Variants in ZNF329 observed in about 807,000 individuals in gnomAD.
ZNF329 encodes the protein zinc finger protein 329.
Under a neutral mutation model 26.6 loss-of-function variants are expected in ZNF329, and 15 were observed. The observed-to-expected ratio is 0.56, with a 90% CI of 0.38 to 0.87. The LOEUF (loss-of-function observed/expected upper bound fraction) is 0.87. Among genes scored for constraint, ZNF329 ranks in the 40% least tolerant of loss-of-function variants. ZNF329 has a pLI of 0.00. For synonymous variants in ZNF329, 239 were observed against 233.5 expected (o/e 1.02, Z -0.21); for missense variants, 651 against 651.9 (o/e 1.00, Z 0.02).
At chr19:58,142,742 C>T (rs2075215108) in intron 2 of ZNF329, 81 bp from the exon 3 acceptor site, 1 of 152,434 alleles carries the variant, frequency 6.6e-6, no homozygotes, top group Admixed American at 6.5e-5. Context: ...ACTTTAATCC[C>T]ATCCTGACAA....
In ZNF329 at chr19:58,146,429, G is replaced by A. The variant is rs1430129458; in HGVS notation, c.-207-3231C>T. Among the ~76,000 whole-genome samples, 12 of 151,840 alleles carry A rather than the reference G, an allele frequency of 7.9e-5. No individual in the cohort carries two copies. The South Asian group carries it at 8.3e-4, about 11-fold the overall frequency. Reference sequence around the variant, plus strand: ...GTAGAGGTTGCAGTGAGCCGAGATCGCTCCACTGCACTCTACCCTGGGTGA... The same window carrying A: ...GTAGAGGTTGCAGTGAGCCGAGATCACTCCACTGCACTCTACCCTGGGTGA... On this transcript the variant is annotated intron_variant, in intron 1 of 3. Coordinates refer to ENST00000598312, the MANE Select transcript of ZNF329 (RefSeq NM_024620.4).
upstream of ZNF329, among the ~76,000 whole-genome samples, chr19:58,152,415 A>G (rs1335054780): frequency 7.0e-6 from 1 of 142,082 alleles, no homozygotes; most frequent in Non-Finnish European, 1.5e-5. Flanking sequence ...CAATCCTAGT[A>G]CTCGGTCTCA....
rs904619095 is a variant in ZNF329, at chr19:58,128,240, T to C, written c.1264A>G (p.Thr422Ala). 8 of 1,597,972 alleles carry C rather than the reference T, an allele frequency of 5.0e-6. No homozygotes were observed. Among genetic ancestry groups the C allele is most frequent in the Non-Finnish European group, 6.8e-6 (8 of 1,172,032 alleles). Residue 422 changes from threonine to alanine, a missense_variant, in exon 4 of 4, where the codon ACT (threonine) becomes GCT (alanine). Transcript: ENST00000598312. ...AYLIRHQRIH[T>A]GEKPYGCNQC... is the part of the protein sequence containing the mutation. ...TTGCAGCCATAGGGCTTCTCGCCAG[T>C]ATGAATCCTCTGATGCCTGATGAGG...
At chr19:58,146,697 C>T (rs1283896944) in intron 1 of ZNF329, among the ~76,000 whole-genome samples, 1 of 151,812 alleles carries the variant, frequency 6.6e-6, no homozygotes, top group African/African-American at 2.4e-5. Context: ...ATTGCAGGCA[C>T]GCGCCGCCAC....
At chr19:58,146,767 G>A (rs2075319972) in intron 1 of ZNF329, among the ~76,000 whole-genome samples, 2 of 152,074 alleles carry the variant, frequency 1.3e-5, no homozygotes, top group Non-Finnish European at 2.9e-5. Flanking sequence ...TGGCCAGGCT[G>A]GTCTCCAGCT....
chr19:58,150,990 C>A (rs1400931463), upstream of ZNF329, among the ~76,000 whole-genome samples: 1 of 152,254 alleles, frequency 6.6e-6, no homozygotes, highest in Non-Finnish European at 1.5e-5. Context: ...TGTTATAGAG[C>A]CTTCCTTTTA....
intron 3 of ZNF329, among the ~76,000 whole-genome samples, chr19:58,138,649 T>C (rs1429865604): frequency 1.3e-5 from 2 of 152,142 alleles, no homozygotes; most frequent in East Asian, 1.9e-4. Context: ...AACAAGGGAC[T>C]TGAAAGCACC....
chr19:58,154,023 A>G (rs966431922), upstream of ZNF329, among the ~76,000 whole-genome samples: 5 of 138,884 alleles, frequency 3.6e-5, no homozygotes, highest in Non-Finnish European at 7.7e-5. Flanking sequence ...TTTTTTTTTG[A>G]GACAGTCTTG....
rs539694863 is a variant in ZNF329, at chr19:58,145,149, A to AT, written c.-207-1952dup. On this transcript the variant is annotated intron_variant, in intron 1 of 3. Transcript: ENST00000598312. ...CAGGCGTGAGCCACCGCGCCTGGCCATTTTTTTTTTTTAAATGTTTTGTAG... is the reference window on the plus strand; with the variant it reads ...CAGGCGTGAGCCACCGCGCCTGGCCATTTTTTTTTTTTTAAATGTTTTGTAG... 5.0e-3 allele frequency among the ~76,000 whole-genome samples: 695 copies of AT among 137,768 alleles called. 7 individuals are homozygous for AT. Among genetic ancestry groups the AT allele is most frequent in the African/African-American group, 0.016 (581 of 36,634 alleles). 90.4% of individuals were successfully genotyped at this position (137,768 alleles called of 152,430 possible).
intron 1 of ZNF329, among the ~76,000 whole-genome samples, chr19:58,147,284 C>T (rs1171386975): frequency 1.3e-4 from 19 of 150,954 alleles, no homozygotes; most frequent in Admixed American, 7.9e-4. Flanking sequence ...GCAACCGCCC[C>T]GTCTGAGAAG....
chr19:58,148,979 T>C (rs1454260682), intron 1 of ZNF329, among the ~76,000 whole-genome samples: 1 of 152,198 alleles, frequency 6.6e-6, no homozygotes, highest in Non-Finnish European at 1.5e-5. Context: ...CTGGGCTGCA[T>C]TTCCAGACAG....
At chr19:58,142,943 C>T (rs767440424) in intron 2 of ZNF329, among the ~76,000 whole-genome samples, 162 bp downstream of exon 2, 32 of 152,230 alleles carry the variant, frequency 2.1e-4, no homozygotes, top group Non-Finnish European at 3.5e-4. Context: ...AACCCCATTA[C>T]CTAATCACAG....
At chr19:58,134,508 A>G (rs554454348) in intron 3 of ZNF329, among the ~76,000 whole-genome samples, 4 of 152,366 alleles carry the variant, frequency 2.6e-5, no homozygotes, top group East Asian at 1.9e-4. Flanking sequence ...CTAAAGCAAA[A>G]GGACATAAAA....
intron 1 of ZNF329, among the ~76,000 whole-genome samples, chr19:58,145,640 C>A (rs2075291456): frequency 6.6e-6 from 1 of 152,124 alleles, no homozygotes; most frequent in South Asian, 2.1e-4. Flanking sequence ...TCTCAACTCA[C>A]AAAAGGCACA....
At chr19:58,148,966 C>T (rs749125548) in intron 1 of ZNF329, among the ~76,000 whole-genome samples, 1 of 152,164 alleles carries the variant, frequency 6.6e-6, no homozygotes, top group Non-Finnish European at 1.5e-5. Context: ...AGGCTGAAAC[C>T]TACTGGGCTG....
intron 1 of ZNF329, among the ~76,000 whole-genome samples, chr19:58,147,136 A>G (rs2075332816): frequency 2.1e-5 from 3 of 145,208 alleles, no homozygotes; most frequent in African/African-American, 5.2e-5. Context: ...CCATCGTCTG[A>G]GATGTGGGGA....
In ZNF329 at chr19:58,143,152, G is replaced by A. The variant is rs1450849352; in HGVS notation, c.-161C>T. The A allele has an allele frequency of 6.6e-6, 1 of 152,278 alleles. No individual in the cohort carries two copies. Among genetic ancestry groups the A allele is most frequent in the East Asian group, 1.9e-4 (1 of 5,194 alleles). 9.4% of individuals were successfully genotyped at this position (152,278 alleles called of 1,614,324 possible). On this transcript the variant is annotated 5_prime_UTR_variant, in exon 2 of 4. Transcript: ENST00000598312. ...GCCCAGGAGCTCAAGGCTGCAGTGA[G>A]CTGTGATCGTGCCACTGCACTCCAG... is the stretch of plus-strand genomic sequence containing the variant.
At chr19:58,144,207 C>T (rs992011186) in intron 1 of ZNF329, among the ~76,000 whole-genome samples, 3 of 151,522 alleles carry the variant, frequency 2.0e-5, no homozygotes, top group South Asian at 4.2e-4. Context: ...TGGAGTCTTG[C>T]TCTGTTGCCC....
intron 3 of ZNF329, among the ~76,000 whole-genome samples, chr19:58,133,592 G>A (rs1265477259): frequency 6.6e-6 from 1 of 151,052 alleles, no homozygotes; most frequent in African/African-American, 2.5e-5. Context: ...AAAAAATTCA[G>A]AAAAGCAAAA....
Sources: gnomAD v4.1 joint callset for allele counts (sites outside exome capture counted in the v4.1 genomes callset) on GRCh38, gnomAD v4.1.1 for gene constraint, MANE v1.5 for transcripts, NCBI Gene and HGNC (gene_info 2026-07-23, HGNC 2026-07-21) for gene names.